Variants in CCDC63 observed in about 807,000 individuals in gnomAD.
The protein encoded by CCDC63 is coiled-coil domain containing 63, also known as coiled-coil domain-containing protein 63.
A neutral mutation model predicts 63.6 loss-of-function variants in CCDC63; 54 were observed. The ratio of observed to expected loss-of-function variants is 0.85; its 90% CI spans 0.68 to 1.07. The LOEUF (loss-of-function observed/expected upper bound fraction) is 1.07. Among genes scored for constraint, CCDC63 ranks in the 50% least tolerant of loss-of-function variants. CCDC63 has a pLI of 0.00. For missense variants in CCDC63, 637 were observed against 689.6 expected (o/e 0.92, Z 0.86); for synonymous variants, 253 against 266.1 (o/e 0.95, Z 0.48).
rs1374062204 is a variant in CCDC63, at chr12:110,907,382, A to G, written c.1598A>G (p.Tyr533Cys). 1 of 1,614,030 alleles carries G rather than the reference A, an allele frequency of 6.2e-7. No individual in the cohort carries two copies. Among genetic ancestry groups the G allele is most frequent in the East Asian group, 2.2e-5 (1 of 44,900 alleles). The part of the protein sequence containing the change: ...SSLRQLVLDN[Y>C]ILKENRSKEV... ...CTTCGGCAGCTGGTTCTCGACAATT[A>G]TATCCTGAAGGAGAATCGGAGTAAG... The change falls in exon 12 of 12, where the codon TAT becomes TGT. Residue 533 changes from tyrosine (Y) to cysteine (C), a missense_variant. Tyr to Cys is a radical substitution (Grantham distance 194). Coordinates refer to ENST00000308208, the MANE Select transcript of CCDC63 (RefSeq NM_152591.3). The surrounding 1 kb of genome is among the most constrained non-coding windows in gnomAD (Gnocchi z 4.4).
chr12:110,865,479 A>AAAAG (rs1555252954), intron 4 of CCDC63, among the ~76,000 whole-genome samples: 2 of 150,738 alleles, frequency 1.3e-5, no homozygotes, highest in Non-Finnish European at 3.0e-5. Context: ...AAAAAAAAAA[A>AAAAG]AAAGAAAAAA....
At chr12:110,871,235 G>A (rs1158645258) in intron 4 of CCDC63, among the ~76,000 whole-genome samples, 11 of 151,858 alleles carry the variant, frequency 7.2e-5, no homozygotes, top group Non-Finnish European at 1.3e-4. Context: ...TCCGCCTCCC[G>A]GGTTCATGCC....
chr12:110,898,677 G>A (rs1187282925), intron 9 of CCDC63, among the ~76,000 whole-genome samples: 7 of 151,610 alleles, frequency 4.6e-5, no homozygotes, highest in African/African-American at 1.7e-4. Context: ...AGACAAGTAA[G>A]TGAAGCAAAA....
chr12:110,882,192 G>T (rs2071217470), intron 7 of CCDC63, among the ~76,000 whole-genome samples: 1 of 152,176 alleles, frequency 6.6e-6, no homozygotes, highest in Non-Finnish European at 1.5e-5. Context: ...GTTCTTTCAG[G>T]ATCTGTGACC....
Position 110,853,060 on chromosome 12 carries a change from G to A in CCDC63, c.9+97G>A, listed in dbSNP as rs374596607. On this transcript the variant is annotated intron_variant, in intron 2 of 11. Transcript: ENST00000308208. Reference sequence around the variant, plus strand: ...TTAGCTCGTCTCATCCTGACAAACAGATCTGTGCTCACCCATTTTGTAGGT... The same window carrying A: ...TTAGCTCGTCTCATCCTGACAAACAAATCTGTGCTCACCCATTTTGTAGGT... 681 of 1,375,342 alleles carry A rather than the reference G, an allele frequency of 5.0e-4. 5 individuals carry two copies. The African/African-American group carries it at 7.7e-3, about 16-fold the overall frequency. The allele number at this position is 1,375,342 out of a possible 1,614,324, so 85.2% of individuals were successfully genotyped here. A position where few individuals can be genotyped will look rare whatever the true frequency, so the allele number is the denominator to read the frequency against.
At chr12:110,858,482 G>A in intron 3 of CCDC63, 104 bp from the exon 4 acceptor site, 1 of 1,017,046 alleles carries the variant, frequency 9.8e-7, no homozygotes, top group Non-Finnish European at 1.4e-6. Flanking sequence ...GCTCAGGTGG[G>A]AAATTCCTCT....
intron 3 of CCDC63, among the ~76,000 whole-genome samples, chr12:110,857,364 A>G (rs2070787535): frequency 6.6e-6 from 1 of 150,634 alleles, no homozygotes; most frequent in Admixed American, 6.6e-5. Context: ...TGACCTCATG[A>G]TCCACTGGCC....
At position 110,884,060 on chromosome 12, in the gene CCDC63, A is replaced by C. The variant is rs763838465; in HGVS notation, c.884A>C (p.Asn295Thr). 6.2e-7 allele frequency: 1 copy of C among 1,614,070 alleles called. No homozygotes were observed. Among genetic ancestry groups the C allele is most frequent in the South Asian group, 1.1e-5 (1 of 91,070 alleles). Residue 295 changes from asparagine (N) to threonine (T), a missense_variant, in exon 8 of 12, where the codon AAC becomes ACC. Transcript: ENST00000308208. ...ALKAKKHVKK[N>T]RGESFESYEV... ...AAGGCAAAGAAGCATGTCAAGAAGA[A>C]CAGGGGAGAGAGTTTTGAGAGCTAT...
chr12:110,858,973 C>T (rs1302062181), intron 4 of CCDC63, among the ~76,000 whole-genome samples, 198 bp downstream of exon 4: 7 of 152,172 alleles, frequency 4.6e-5, no homozygotes, highest in Admixed American at 1.3e-4. Context: ...CTCAGCCATA[C>T]CAATCCATCC....
chr12:110,907,251 T>C lies in CCDC63; in HGVS notation c.1547-80T>C, dbSNP rs1243096285. 16 of 1,447,766 alleles carry C rather than the reference T, an allele frequency of 1.1e-5. No individual in the cohort carries two copies. Among genetic ancestry groups the C allele is most frequent in the Non-Finnish European group, 1.5e-5 (16 of 1,059,780 alleles). The allele number at this position is 1,447,766 out of a possible 1,614,324, so 89.7% of individuals were successfully genotyped here. On this transcript the variant is annotated intron_variant, in intron 11 of 11. Coordinates refer to ENST00000308208, the MANE Select transcript of CCDC63 (RefSeq NM_152591.3). This position sits in a 1 kb window ranked among gnomAD's most constrained non-coding sequence, Gnocchi z 4.4. ...TTCCATGCTCCACTCCCCAGTGCTA[T>C]GGAGGGACGCCAAACCAGGCTTAGC...
chr12:110,854,901 C>T (rs1239024803), intron 3 of CCDC63, among the ~76,000 whole-genome samples: 1 of 152,006 alleles, frequency 6.6e-6, no homozygotes, highest in Non-Finnish European at 1.5e-5. Flanking sequence ...CAGACTCAAG[C>T]GATTCTCCGA....
At chr12:110,851,728 T>G (rs1191682039) in intron 1 of CCDC63, among the ~76,000 whole-genome samples, 2 of 152,122 alleles carry the variant, frequency 1.3e-5, no homozygotes, top group African/African-American at 2.4e-5. Flanking sequence ...ACCTTCGCCC[T>G]CTGAAACAAT....
intron 5 of CCDC63, among the ~76,000 whole-genome samples, chr12:110,878,089 G>A (rs976981104): frequency 7.2e-5 from 11 of 152,046 alleles, no homozygotes; most frequent in Non-Finnish European, 1.2e-4. Flanking sequence ...TTCACTTAGC[G>A]TAATGTCCTC....
intron 8 of CCDC63, among the ~76,000 whole-genome samples, chr12:110,890,773 CTTTTTT>C (rs769120162): frequency 6.1e-5 from 6 of 98,408 alleles, no homozygotes; most frequent in East Asian, 5.4e-4. Flanking sequence ...TCCTCCTTTT[CTTTTTT>C]TTTTTTTTTT....
intron 8 of CCDC63, among the ~76,000 whole-genome samples, chr12:110,885,620 T>C (rs1186111499): frequency 6.6e-6 from 1 of 152,158 alleles, no homozygotes; most frequent in Non-Finnish European, 1.5e-5. Flanking sequence ...TCCCGTGCTA[T>C]TCCCTCTCCC....
At position 110,893,099 on chromosome 12, in the gene CCDC63, C is replaced by A; in HGVS notation, c.1098C>A (p.Ser366=). 1.2e-6 allele frequency: 2 copies of A among 1,614,080 alleles called. No homozygotes were observed. Among genetic ancestry groups the A allele is most frequent in the Non-Finnish European group, 1.7e-6 (2 of 1,179,996 alleles). The change falls in exon 9 of 12, where the codon TCC becomes TCA. Residue 366 remains serine, a synonymous_variant. Transcript: ENST00000308208. ...AGGACGAGATCATCCTCTTGCGATC[C>A]CAGCAGAAATTGTCCCACGATGACA... ...RIQDEIILLR[S]QQKLSHDDNH... is the part of the protein sequence containing the mutation.
At chr12:110,894,730 T>G (rs2136729424) in intron 9 of CCDC63, among the ~76,000 whole-genome samples, 1 of 152,200 alleles carries the variant, frequency 6.6e-6, no homozygotes, top group East Asian at 1.9e-4. Flanking sequence ...TCCAGACTCT[T>G]GTTGAGGTTG....
intron 4 of CCDC63, among the ~76,000 whole-genome samples, chr12:110,859,027 C>A (rs1485974339): frequency 6.6e-6 from 1 of 152,172 alleles, no homozygotes; most frequent in Non-Finnish European, 1.5e-5. Flanking sequence ...CGTGAATAAA[C>A]CCCCACAGCT....
At chr12:110,870,923 A>C (rs1425115303) in intron 4 of CCDC63, among the ~76,000 whole-genome samples, 1 of 152,198 alleles carries the variant, frequency 6.6e-6, no homozygotes, top group Non-Finnish European at 1.5e-5. Flanking sequence ...TTTCTTGGGC[A>C]GATGTTATTT....
Sources: allele counts gnomAD v4.1 joint callset (sites outside exome capture counted in the v4.1 genomes callset), GRCh38; gene constraint gnomAD v4.1.1; non-coding constraint Gnocchi (gnomAD v3.1); transcripts MANE v1.5; gene names NCBI Gene and HGNC (gene_info 2026-07-23, HGNC 2026-07-21).